The following NDST4 variants were observed in gnomAD, a reference collection of about 807,000 sequenced individuals.
NDST4 encodes N-deacetylase and N-sulfotransferase 4.
Under a neutral mutation model 100.8 loss-of-function variants are expected in NDST4, and 63 were observed. The observed-to-expected ratio is 0.62, with a 90% CI of 0.51 to 0.77. The LOEUF is 0.77. Among genes scored for constraint, NDST4 ranks in the 30% least tolerant of loss-of-function variants. The pLI is 0.00. For missense variants in NDST4, 943 were observed against 1,018.4 expected, an observed-to-expected ratio of 0.93 and a Z score of 1.01; for synonymous variants, 377 against 361.8, an observed-to-expected ratio of 1.04 and a Z score of -0.48.
At chr4:114,980,373 G>A (rs1353298567) in intron 2 of NDST4, among the ~76,000 whole-genome samples, 2 of 152,134 alleles carry the variant, frequency 1.3e-5, no homozygotes, top group Non-Finnish European at 2.9e-5. Flanking sequence ...TGGGCATGAT[G>A]GCTCATGCCT....
At chr4:115,044,027 G>T (rs1446936900) in intron 2 of NDST4, among the ~76,000 whole-genome samples, 2 of 152,024 alleles carry the variant, frequency 1.3e-5, no homozygotes, top group Non-Finnish European at 2.9e-5. Context: ...AAATTCAAAA[G>T]ATACATTTTC....
At chr4:115,070,165 T>C (rs1260994668) in intron 2 of NDST4, among the ~76,000 whole-genome samples, 1 of 152,178 alleles carries the variant, frequency 6.6e-6, no homozygotes, top group Non-Finnish European at 1.5e-5. Flanking sequence ...AGATATGCAA[T>C]TGATCTAAAT....
intron 6 of NDST4, among the ~76,000 whole-genome samples, chr4:114,871,704 T>C (rs898566800): frequency 6.6e-6 from 1 of 152,050 alleles, no homozygotes; most frequent in Admixed American, 6.6e-5. Context: ...TGATTGAAAT[T>C]GCAGAGATTG....
chr4:114,847,048 C>A (rs1208414578), intron 9 of NDST4, among the ~76,000 whole-genome samples: 1 of 152,088 alleles, frequency 6.6e-6, no homozygotes, highest in Non-Finnish European at 1.5e-5. Context: ...CGGTGTTGCA[C>A]CTGCCCAACC....
At chr4:115,012,352 G>A (rs1035878075) in intron 2 of NDST4, among the ~76,000 whole-genome samples, 1 of 151,888 alleles carries the variant, frequency 6.6e-6, no homozygotes, top group Non-Finnish European at 1.5e-5. Context: ...AATTGAACCA[G>A]CATCTTAAAT....
intron 2 of NDST4, among the ~76,000 whole-genome samples, chr4:114,988,037 G>A (rs1033000730): frequency 1.1e-4 from 16 of 152,252 alleles, no homozygotes; most frequent in Admixed American, 6.5e-5. Flanking sequence ...GTACAAAGGA[G>A]TGTTTTTCCA....
chr4:114,976,129 T>C (rs1726628719), intron 3 of NDST4, among the ~76,000 whole-genome samples: 1 of 152,094 alleles, frequency 6.6e-6, no homozygotes, highest in Non-Finnish European at 1.5e-5. Flanking sequence ...CAAACCATAT[T>C]GAGCTTTTAC....
At chr4:115,085,279 A>T (rs561613873) in intron 1 of NDST4, among the ~76,000 whole-genome samples, 1 of 152,280 alleles carries the variant, frequency 6.6e-6, no homozygotes, top group East Asian at 1.9e-4. Context: ...GAAGTACTTA[A>T]CTTACTTTTG....
chr4:114,930,015 G>A (rs1042975250), intron 6 of NDST4, among the ~76,000 whole-genome samples: 5 of 152,126 alleles, frequency 3.3e-5, no homozygotes, highest in African/African-American at 9.7e-5. Context: ...AGAATGAAAA[G>A]GGTATGATGA....
Position 115,108,030 on chromosome 4 carries a change from TTTTA to T in NDST4, c.-247+5410_-247+5413del, listed in dbSNP as rs142990033. ...TTGGTAGTATAATTTATTGATTGTG[TTTTA>T]TTTTACTTATTACAGTACAGGGAAT... On this transcript the variant is annotated intron_variant, in intron 1 of 13. Coordinates refer to ENST00000264363, the MANE Select transcript of NDST4 (RefSeq NM_022569.3). Among the ~76,000 whole-genome samples the T allele has an allele frequency of 6.2e-3, 948 of 152,152 alleles. 2 individuals are homozygous for T. The highest frequency in any genetic ancestry group is 0.01 in the Middle Eastern group (3 of 294).
intron 3 of NDST4, among the ~76,000 whole-genome samples, chr4:114,972,436 A>C (rs1046031344): frequency 6.6e-6 from 1 of 152,026 alleles, no homozygotes; most frequent in Non-Finnish European, 1.5e-5. Flanking sequence ...TGAAAGTAAT[A>C]AAGTCCTATA....
chr4:114,938,864 A>T (rs1170282104), intron 4 of NDST4, among the ~76,000 whole-genome samples: 5 of 152,190 alleles, frequency 3.3e-5, no homozygotes, highest in Non-Finnish European at 2.9e-5. Flanking sequence ...TGTTACAGTA[A>T]ATGACTCTGT....
At chr4:114,841,867 T>G (rs2126184298) in intron 10 of NDST4, among the ~76,000 whole-genome samples, 1 of 152,320 alleles carries the variant, frequency 6.6e-6, no homozygotes, top group East Asian at 1.9e-4. Context: ...TCCCAACTAC[T>G]CGACCTCCAG....
chr4:114,906,041 T>G (rs546059267), intron 6 of NDST4, among the ~76,000 whole-genome samples: 1 of 152,080 alleles, frequency 6.6e-6, no homozygotes, highest in South Asian at 2.1e-4. Context: ...AACGGCAGCT[T>G]CAGAACAGGA....
At chr4:115,064,693 C>T (rs542227657) in intron 2 of NDST4, among the ~76,000 whole-genome samples, 36 of 152,176 alleles carry the variant, frequency 2.4e-4, no homozygotes, top group African/African-American at 8.4e-4. Flanking sequence ...ATACAAGAGG[C>T]TACTATCTCA....
intron 13 of NDST4, among the ~76,000 whole-genome samples, chr4:114,829,029 A>C (rs1430091879): frequency 1.3e-5 from 2 of 152,260 alleles, no homozygotes; most frequent in East Asian, 3.9e-4. Context: ...TGGTGGATTA[A>C]AGTGATTTCT....
intron 6 of NDST4, among the ~76,000 whole-genome samples, chr4:114,925,928 C>T (rs1032086683): frequency 2.0e-5 from 3 of 152,032 alleles, no homozygotes; most frequent in African/African-American, 4.8e-5. Context: ...AGCTTTTATA[C>T]TTATTGTGGA....
At chr4:114,909,431 C>T (rs1006344689) in intron 6 of NDST4, among the ~76,000 whole-genome samples, 9 of 151,294 alleles carry the variant, frequency 5.9e-5, no homozygotes, top group African/African-American at 1.7e-4. Context: ...GAGGCCGAGG[C>T]GGGTGGATCA....
chr4:114,915,295 A>G (rs1389182557), intron 6 of NDST4, among the ~76,000 whole-genome samples: 1 of 152,172 alleles, frequency 6.6e-6, no homozygotes, highest in Non-Finnish European at 1.5e-5. Flanking sequence ...CCAATGCCGT[A>G]AGGGGTCAAT....
Sources: allele counts gnomAD v4.1 joint callset (sites outside exome capture counted in the v4.1 genomes callset), GRCh38; gene constraint gnomAD v4.1.1; transcripts MANE v1.5; gene names NCBI Gene and HGNC (gene_info 2026-07-23, HGNC 2026-07-21).